IGF2BP3: variants seen among roughly 807,000 people sequenced by gnomAD.
IGF2BP3 encodes insulin like growth factor 2 mRNA binding protein 3.
Under a neutral mutation model 73.8 loss-of-function variants are expected in IGF2BP3, and 9 were observed. The ratio of observed to expected loss-of-function variants is 0.12; its 90% CI spans 0.07 to 0.21. IGF2BP3 has a LOEUF of 0.21. IGF2BP3 is among the 10% of genes least tolerant of loss of function. The pLI, the probability that IGF2BP3 is intolerant of heterozygous loss-of-function variation, is 1.00. For missense variants in IGF2BP3, 542 were observed against 714.0 expected, an observed-to-expected ratio of 0.76 and a Z score of 2.75; for synonymous variants, 258 against 256.7, an observed-to-expected ratio of 1.01 and a Z score of -0.05.
chr7:23,370,685 T>C (rs1000301695), intron 3 of IGF2BP3, among the ~76,000 whole-genome samples: 4 of 149,378 alleles, frequency 2.7e-5, no homozygotes, highest in Admixed American at 1.3e-4. Context: ...GTTTTTTTGT[T>C]TTTTTTTTTT....
intron 10 of IGF2BP3, among the ~76,000 whole-genome samples, chr7:23,322,178 G>A (rs887670014): frequency 6.6e-6 from 1 of 152,098 alleles, no homozygotes; most frequent in Non-Finnish European, 1.5e-5. Flanking sequence ...TTTGAAAAAA[G>A]TTTAGAAGAA....
At chr7:23,415,283 T>TA (rs1157167642) in intron 3 of IGF2BP3, 1 of 245,542 alleles carries the variant, frequency 4.1e-6, no homozygotes, top group Non-Finnish European at 8.0e-6. Flanking sequence ...CAAGTCCCTG[T>TA]ACGTCAGTCA....
chr7:23,462,357 A>G (rs998402942), intron 2 of IGF2BP3, among the ~76,000 whole-genome samples: 2 of 147,846 alleles, frequency 1.4e-5, no homozygotes, highest in Admixed American at 6.8e-5. Context: ...TTCCTCTAAG[A>G]ATATTTCTTT....
chr7:23,469,803 G>C lies in IGF2BP3; in HGVS notation c.175+133C>G. The C allele has an allele frequency of 2.4e-6, 1 of 410,178 alleles. No homozygotes were observed. Among genetic ancestry groups the C allele is most frequent in the Non-Finnish European group, 4.0e-6 (1 of 248,640 alleles). The allele number at this position is 410,178 out of a possible 1,614,324, so 25.4% of individuals were successfully genotyped here. The stretch of plus-strand genomic sequence containing the variant: ...GGAGAGCCCCGGCCCCCACGCGCGT[G>C]GGTGTGGGCGCTCAGGCCTCACCCC... On this transcript the variant is annotated intron_variant, in intron 1 of 14. Transcript: ENST00000258729. The surrounding 1 kb of genome is among the most constrained non-coding windows in gnomAD (Gnocchi z 6.1).
intron 3 of IGF2BP3, among the ~76,000 whole-genome samples, chr7:23,374,117 C>T (rs142236485): frequency 3.9e-5 from 6 of 152,234 alleles, no homozygotes; most frequent in African/African-American, 1.2e-4. Flanking sequence ...ATGCACTAAC[C>T]GAGTATACGT....
chr7:23,403,498 A>AT (rs1786732884), intron 3 of IGF2BP3, among the ~76,000 whole-genome samples: 1 of 152,204 alleles, frequency 6.6e-6, no homozygotes, highest in African/African-American at 2.4e-5. Context: ...TAATTGGAAC[A>AT]TTACATAGGA....
chr7:23,381,970 A>G (rs189241573), intron 3 of IGF2BP3, among the ~76,000 whole-genome samples: 2 of 152,222 alleles, frequency 1.3e-5, no homozygotes, highest in African/African-American at 4.8e-5. Context: ...AAATGCCACT[A>G]TGTGACCTGG....
At chr7:23,423,115 T>C (rs1787397697) in intron 2 of IGF2BP3, among the ~76,000 whole-genome samples, 1 of 152,238 alleles carries the variant, frequency 6.6e-6, no homozygotes, top group Admixed American at 6.5e-5. Flanking sequence ...TCTTTCCCAT[T>C]TGCTCAGTAA....
chr7:23,409,891 A>G (rs12700436), intron 3 of IGF2BP3, among the ~76,000 whole-genome samples: 39,731 of 152,130 alleles, frequency 0.26, 5,551 homozygotes, highest in South Asian at 0.34. Flanking sequence ...ACTTTTGGCC[A>G]GGTGCGATGG....
At chr7:23,363,878 C>T (rs978347398) in intron 3 of IGF2BP3, among the ~76,000 whole-genome samples, 4 of 152,112 alleles carry the variant, frequency 2.6e-5, no homozygotes, top group Non-Finnish European at 5.9e-5. Context: ...TTATAAACGC[C>T]AAAAATTAAG....
intron 2 of IGF2BP3, among the ~76,000 whole-genome samples, chr7:23,428,329 G>A (rs552122893): frequency 1.3e-5 from 2 of 151,878 alleles, no homozygotes; most frequent in South Asian, 2.1e-4. Flanking sequence ...AAAATTAGCC[G>A]AGCATGGTGG....
At chr7:23,382,894 C>CAAAAAAAAAAAAAAAAAAAAAAAAA (rs57466793) in intron 3 of IGF2BP3, among the ~76,000 whole-genome samples, 1 of 49,114 alleles carries the variant, frequency 2.0e-5, no homozygotes, top group Non-Finnish European at 3.3e-5. Context: ...CTAGCTCTAC[C>CAAAAAAAAAAAAAAAAAAAAAAAAA]AAAAAAAAAA....
intron 2 of IGF2BP3, among the ~76,000 whole-genome samples, chr7:23,451,069 A>G (rs1788185144): frequency 6.6e-6 from 1 of 152,192 alleles, no homozygotes. Context: ...ACCAGTTTCC[A>G]GTTGCCTCTT....
chr7:23,370,691 T>G (rs1221784521), intron 3 of IGF2BP3, among the ~76,000 whole-genome samples: 2 of 152,012 alleles, frequency 1.3e-5, no homozygotes, highest in Non-Finnish European at 2.9e-5. Flanking sequence ...TTGTTTTTTT[T>G]TTTTAAGACA....
chr7:23,348,794 C>T (rs1473855761), intron 6 of IGF2BP3, among the ~76,000 whole-genome samples: 2 of 152,162 alleles, frequency 1.3e-5, no homozygotes, highest in Non-Finnish European at 2.9e-5. Context: ...TTGAGAACCA[C>T]TGGCATGGGA....
intron 3 of IGF2BP3, among the ~76,000 whole-genome samples, chr7:23,407,454 C>CA (rs1786870807): frequency 6.6e-6 from 1 of 151,418 alleles, no homozygotes; most frequent in Admixed American, 6.6e-5. Flanking sequence ...ACTAAAAATG[C>CA]AAAAATTAGC....
intron 3 of IGF2BP3, among the ~76,000 whole-genome samples, chr7:23,406,117 G>C (rs1032999142): frequency 5.3e-5 from 8 of 151,794 alleles, no homozygotes; most frequent in African/African-American, 1.9e-4. Context: ...ACCAGTCCCT[G>C]GTGCCAAAAA....
At chr7:23,412,940 A>G (rs1418962910) in intron 3 of IGF2BP3, among the ~76,000 whole-genome samples, 1 of 126,718 alleles carries the variant, frequency 7.9e-6, no homozygotes, top group Non-Finnish European at 1.6e-5. Flanking sequence ...GCTCACTGCA[A>G]CCTCCGCCTC....
rs965477548 is a variant in IGF2BP3, at chr7:23,361,519, C to A, written c.401+15G>T. The A allele has an allele frequency of 6.2e-7, 1 of 1,603,872 alleles. No individual in the cohort carries two copies. Among genetic ancestry groups the A allele is most frequent in the Non-Finnish European group, 8.5e-7 (1 of 1,172,816 alleles). On this transcript the variant is annotated intron_variant, in intron 5 of 14. Transcript: ENST00000258729. ...TTAGTTATTATATATAGATTAAAAG[C>A]TTCAAGCTGCTTACTGTCTAGCTTG...
Sources: gnomAD v4.1 joint callset for allele counts (sites outside exome capture counted in the v4.1 genomes callset) on GRCh38, gnomAD v4.1.1 for gene constraint, Gnocchi (gnomAD v3.1) non-coding constraint, MANE v1.5 for transcripts, NCBI Gene and HGNC (gene_info 2026-07-23, HGNC 2026-07-21) for gene names.